OPHN1: variants seen among roughly 807,000 people sequenced by gnomAD.
The protein encoded by OPHN1 is oligophrenin 1.
Under a neutral mutation model 60.7 loss-of-function variants are expected in OPHN1, and 11 were observed. The ratio of observed to expected loss-of-function variants is 0.18; its 90% confidence interval spans 0.11 to 0.30. The LOEUF (loss-of-function observed/expected upper bound fraction) is 0.30, where lower values mean the gene tolerates loss of function less well. Among genes scored for constraint, OPHN1 ranks in the 10% least tolerant of loss-of-function variants. The pLI is 1.00. For missense variants in OPHN1, 449 were observed against 611.0 expected (o/e 0.73, Z 2.80); for synonymous variants, 226 against 222.6 (o/e 1.02, Z -0.14).
intron 2 of OPHN1, among the ~76,000 whole-genome samples, chrX:68,332,544 T>C (rs750375881): frequency 8.0e-5 from 9 of 112,091 alleles, no homozygotes; most frequent in Admixed American, 3.8e-4. Context: ...TTAATCTGCC[T>C]TGGAGACTGC....
intron 2 of OPHN1, among the ~76,000 whole-genome samples, chrX:68,344,573 C>A (rs2078370089): frequency 9.2e-6 from 1 of 108,602 alleles, no homozygotes; most frequent in South Asian, 4.1e-4. Flanking sequence ...GATTGTGCCA[C>A]TGCACTCCAG....
intron 5 of OPHN1, among the ~76,000 whole-genome samples, chrX:68,259,203 C>A (rs1461982447): frequency 8.9e-6 from 1 of 111,749 alleles, no homozygotes; most frequent in Non-Finnish European, 1.9e-5. Flanking sequence ...ACAATCCAAA[C>A]ACTTTGGGAG....
chrX:68,205,683 G>A (rs891927655), intron 10 of OPHN1, among the ~76,000 whole-genome samples: 31 of 111,329 alleles, frequency 2.8e-4, no homozygotes, highest in Non-Finnish European at 4.9e-4. Flanking sequence ...GATCTTCCAT[G>A]AAAAGGATCA....
At chrX:68,221,865 T>C (rs1285523587) in intron 6 of OPHN1, among the ~76,000 whole-genome samples, 1 of 85,304 alleles carries the variant, frequency 1.2e-5, no homozygotes, top group African/African-American at 4.0e-5. Flanking sequence ...GACATAGGCA[T>C]GGGCAAGGAC....
At chrX:68,374,351 T>C (rs1271857425) in intron 2 of OPHN1, among the ~76,000 whole-genome samples, 1 of 90,616 alleles carries the variant, frequency 1.1e-5, no homozygotes, top group South Asian at 5.3e-4. Context: ...TGAGACTCCA[T>C]CTCAAAAAAA....
intron 18 of OPHN1, among the ~76,000 whole-genome samples, chrX:68,105,910 A>C (rs746981077): frequency 1.4e-4 from 16 of 111,034 alleles, no homozygotes; most frequent in Middle Eastern, 9.3e-3. Flanking sequence ...AACACCTATA[A>C]AAGGCCACTT....
chrX:68,118,748 T>C (rs975896917), intron 16 of OPHN1, among the ~76,000 whole-genome samples: 5 of 112,291 alleles, frequency 4.5e-5, no homozygotes, highest in Non-Finnish European at 7.5e-5. Flanking sequence ...TGACAGTTCA[T>C]TTAGCTCCAA....
chrX:68,309,600 C>T (rs2078163220), intron 2 of OPHN1, among the ~76,000 whole-genome samples: 1 of 111,958 alleles, frequency 8.9e-6, no homozygotes, highest in African/African-American at 3.2e-5. Context: ...ACTTGCAACA[C>T]CAAAATCAAT....
At chrX:68,431,595 T>G (rs2078886285) in intron 2 of OPHN1, among the ~76,000 whole-genome samples, 1 of 107,562 alleles carries the variant, frequency 9.3e-6, no homozygotes, top group Non-Finnish European at 1.9e-5. Context: ...TTTTTTTTTT[T>G]TTTTGTATTT....
At chrX:68,282,989 TA>T in intron 4 of OPHN1, 66 bp downstream of exon 4, 1 of 864,519 alleles carries the variant, frequency 1.2e-6, no homozygotes, top group Non-Finnish European at 1.7e-6. Context: ...AATCCAAGCA[TA>T]AAGGAAAGGA....
At chrX:68,065,316 T>C (rs746403919) in intron 20 of OPHN1, among the ~76,000 whole-genome samples, 9 of 111,451 alleles carry the variant, frequency 8.1e-5, no homozygotes, top group Non-Finnish European at 1.7e-4. Context: ...CACTGTTTTG[T>C]TTTATTTTAA....
At chrX:68,357,340 G>A (rs919115047) in intron 2 of OPHN1, among the ~76,000 whole-genome samples, 3 of 111,276 alleles carry the variant, frequency 2.7e-5, no homozygotes, top group African/African-American at 9.8e-5. Context: ...CCATGTTGGT[G>A]TGCTGCACCC....
chrX:68,317,338 G>GGAAAGAAAGAAAGAAAGAAAGAAAGAAA (rs796692093), intron 2 of OPHN1, among the ~76,000 whole-genome samples: 74 of 28,815 alleles, frequency 2.6e-3, no homozygotes, highest in Admixed American at 6.6e-3. Flanking sequence ...AAGAAAGAGA[G>GGAAAGAAAGAAAGAAAGAAAGAAAGAAA]GAAAGAAAGA....
intron 3 of OPHN1, among the ~76,000 whole-genome samples, 171 bp downstream of exon 3, chrX:68,298,830 T>G (rs2078107018): frequency 8.9e-6 from 1 of 111,838 alleles, no homozygotes; most frequent in African/African-American, 3.2e-5. Flanking sequence ...GAGGAGGAAA[T>G]GGGACTGGCA....
chrX:68,368,342 G>T (rs1387039397), intron 2 of OPHN1, among the ~76,000 whole-genome samples: 1 of 110,907 alleles, frequency 9.0e-6, no homozygotes, highest in African/African-American at 3.3e-5. Flanking sequence ...ACCACCCTGG[G>T]CAACATAGCA....
At chrX:68,308,053 T>C (rs1266630021) in intron 2 of OPHN1, among the ~76,000 whole-genome samples, 2 of 112,328 alleles carry the variant, frequency 1.8e-5, no homozygotes, top group Non-Finnish European at 3.8e-5. Context: ...CAAAATGAGG[T>C]AGTGGAAATA....
intron 2 of OPHN1, among the ~76,000 whole-genome samples, chrX:68,428,571 A>G (rs908282393): frequency 8.9e-6 from 1 of 112,275 alleles, no homozygotes; most frequent in Non-Finnish European, 1.9e-5. Context: ...TGTATGCCTG[A>G]CAGCTCCAAG....
intron 2 of OPHN1, among the ~76,000 whole-genome samples, chrX:68,425,809 A>ATTTT (rs1247365715): frequency 2.5e-3 from 52 of 21,072 alleles, no homozygotes; most frequent in Middle Eastern, 0.059. Context: ...CCTGGACTGG[A>ATTTT]TTCTTTTTTT....
At chrX:68,208,656 G>A (rs367711108) in intron 9 of OPHN1, among the ~76,000 whole-genome samples, 2 of 111,961 alleles carry the variant, frequency 1.8e-5, no homozygotes, top group Admixed American at 9.5e-5. Flanking sequence ...ACATTCAACT[G>A]AGTAGCAATG....
Sources: gnomAD v4.1 joint callset for allele counts (sites outside exome capture counted in the v4.1 genomes callset) on GRCh38, gnomAD v4.1.1 for gene constraint, MANE v1.5 for transcripts, NCBI Gene and HGNC (gene_info 2026-07-23, HGNC 2026-07-21) for gene names.